The following ANKRD42 variants were observed in gnomAD, a reference collection of about 807,000 sequenced individuals.
ANKRD42 encodes the protein ankyrin repeat domain 42, also known as ankyrin repeat domain-containing protein 42.
A neutral mutation model predicts 51.5 loss-of-function variants in ANKRD42; 43 were observed. The observed-to-expected ratio is 0.83, with a 90% CI of 0.65 to 1.08. The LOEUF (loss-of-function observed/expected upper bound fraction) is 1.08. Among genes scored for constraint, ANKRD42 ranks in the 50% least tolerant of loss-of-function variants. ANKRD42 has a pLI of 0.00. For synonymous variants in ANKRD42, 203 were observed against 213.0 expected, an observed-to-expected ratio of 0.95 and a Z score of 0.41; for missense variants, 608 against 629.3, an observed-to-expected ratio of 0.97 and a Z score of 0.36.
intron 5 of ANKRD42, among the ~76,000 whole-genome samples, chr11:83,218,064 C>A (rs992323999): frequency 3.3e-5 from 5 of 152,186 alleles, no homozygotes; most frequent in Non-Finnish European, 7.3e-5. Flanking sequence ...TACATTTATC[C>A]TTTAGAATAA....
rs769031334 is a variant in ANKRD42, at chr11:83,227,786, A to G, written c.827A>G (p.Asp276Gly). ...GGTCATGTGGCTGCCTTTAAGGGTG[A>G]TTTGGGGATGCTTAAGAAATTAGTG... is the stretch of plus-strand genomic sequence containing the variant. The part of the protein sequence containing the change: ...FPGHVAAFKG[D>G]LGMLKKLVED... The change falls in exon 7 of 11, where the codon GAT (aspartate) becomes GGT (glycine). Residue 276 changes from aspartate to glycine, a missense_variant. By Grantham distance (94) the Asp-to-Gly change is moderately conservative. Transcript: ENST00000533342. 1.2e-6 allele frequency: 2 copies of G among 1,613,312 alleles called. No homozygotes were observed. Among genetic ancestry groups the G allele is most frequent in the Non-Finnish European group, 1.7e-6 (2 of 1,179,766 alleles).
exon 12 of ANKRD42, chr11:83,255,979 T>G (rs543229638): frequency 1.0e-4 from 146 of 1,394,618 alleles, no homozygotes; most frequent in Admixed American, 1.4e-4. Flanking sequence ...TCTCTTTCAT[T>G]AAAAAAATTG....
At chr11:83,196,105 G>T (rs538510411) in intron 1 of ANKRD42, among the ~76,000 whole-genome samples, 4 of 152,178 alleles carry the variant, frequency 2.6e-5, no homozygotes, top group African/African-American at 9.6e-5. Context: ...GCCTCCCAAA[G>T]TCCTGGGATT....
intron 11 of ANKRD42, chr11:83,255,815 G>T: frequency 1.3e-6 from 2 of 1,492,830 alleles, no homozygotes; most frequent in Middle Eastern, 1.7e-4. Context: ...CATGAAAATT[G>T]TATTTGACCC....
At chr11:83,237,739 GAC>G (rs1322016212) in intron 8 of ANKRD42, among the ~76,000 whole-genome samples, 3 of 152,140 alleles carry the variant, frequency 2.0e-5, no homozygotes, top group African/African-American at 7.2e-5. Flanking sequence ...AGGTATAATT[GAC>G]ACACAATAAA....
chr11:83,208,686 A>G (rs1484608597), intron 3 of ANKRD42, among the ~76,000 whole-genome samples: 2 of 152,214 alleles, frequency 1.3e-5, no homozygotes, highest in African/African-American at 4.8e-5. Context: ...ACAGATAATT[A>G]TGATGGAATG....
chr11:83,199,379 C>A (rs751164930), intron 2 of ANKRD42, among the ~76,000 whole-genome samples: 3 of 152,054 alleles, frequency 2.0e-5, no homozygotes, highest in Admixed American at 6.6e-5. Context: ...AATGATATCA[C>A]ATTATGTATA....
chr11:83,207,981 C>G lies in ANKRD42; in HGVS notation c.330+1816C>G, dbSNP rs141534097. 8.3e-3 allele frequency among the ~76,000 whole-genome samples: 1,259 copies of G among 152,260 alleles called. 13 individuals are homozygous for G. Among genetic ancestry groups the G allele is most frequent in the African/African-American group, 0.029 (1,202 of 41,562 alleles). Reference sequence around the variant, plus strand: ...GTATAGAAAGAGAGTTTTTCCCCCCCTCCTCAACCCTGTGATTACCTGGAA... The same window carrying G: ...GTATAGAAAGAGAGTTTTTCCCCCCGTCCTCAACCCTGTGATTACCTGGAA... On this transcript the variant is annotated intron_variant, in intron 3 of 10. Transcript: ENST00000533342.
At chr11:83,244,855 C>T (rs1863495336) in intron 9 of ANKRD42, among the ~76,000 whole-genome samples, 1 of 152,120 alleles carries the variant, frequency 6.6e-6, no homozygotes, top group African/African-American at 2.4e-5. Context: ...TTTTCTGTTA[C>T]ATAGTAGATT....
At chr11:83,234,491 T>C (rs879929425) in intron 7 of ANKRD42, among the ~76,000 whole-genome samples, 1 of 152,198 alleles carries the variant, frequency 6.6e-6, no homozygotes, top group African/African-American at 2.4e-5. Context: ...TTTTAAAACA[T>C]TGGTCAAATT....
intron 5 of ANKRD42, among the ~76,000 whole-genome samples, chr11:83,217,383 T>TAA (rs1862574457): frequency 6.6e-6 from 1 of 152,190 alleles, no homozygotes; most frequent in Non-Finnish European, 1.5e-5. Context: ...CTTTTGGGCA[T>TAA]AACAAGAAAG....
intron 2 of ANKRD42, among the ~76,000 whole-genome samples, chr11:83,205,357 A>C (rs1030160177): frequency 6.6e-6 from 1 of 152,188 alleles, no homozygotes; most frequent in African/African-American, 2.4e-5. Context: ...AATGATATTT[A>C]CTTGATAAGC....
At position 83,232,639 on chromosome 11, in the gene ANKRD42, T is replaced by A. The variant is rs143341274; in HGVS notation, c.914-3765T>A. On this transcript the variant is annotated intron_variant, in intron 7 of 10. Coordinates refer to ENST00000533342, the MANE Select transcript of ANKRD42 (RefSeq NM_001300975.2). ...GGACTTCTAGTACTGTGTTGAATAA[T>A]AGAGATGAAAGTGGGCATCCTTGTG... 1.8e-4 allele frequency among the ~76,000 whole-genome samples: 27 copies of A among 152,306 alleles called. No homozygotes were observed. The East Asian group carries it at 4.0e-3, about 23-fold the overall frequency.
Position 83,210,971 on chromosome 11 carries a change from CTG to C in ANKRD42, c.451-322_451-321del, listed in dbSNP as rs1023750491. 1.8e-3 allele frequency among the ~76,000 whole-genome samples: 270 copies of C among 151,766 alleles called. 3 individuals are homozygous for C. Among genetic ancestry groups the C allele is most frequent in the African/African-American group, 6.4e-3 (262 of 41,134 alleles). Reference sequence around the variant, plus strand: ...ACTTATTAAATATTTTTTATTAACTCTGTTTATATTCTCAATGATAGTATTTG... The same window carrying C: ...ACTTATTAAATATTTTTTATTAACTCTTTATATTCTCAATGATAGTATTTG... On this transcript the variant is annotated intron_variant, in intron 4 of 10. Transcript: ENST00000533342.
At position 83,194,690 on chromosome 11, in the gene ANKRD42, C is replaced by A. The variant is rs780231587; in HGVS notation, c.20C>A (p.Ser7Ter). 2 of 1,613,060 alleles carry A rather than the reference C, an allele frequency of 1.2e-6. No individual in the cohort carries two copies. The highest frequency in any genetic ancestry group is 1.7e-4 in the Middle Eastern group (1 of 6,052). The change falls in exon 1 of 11, where the codon TCA becomes TAA. Residue 7 changes from serine to a stop codon, truncating the protein, a stop_gained. Coordinates refer to ENST00000533342, the MANE Select transcript of ANKRD42 (RefSeq NM_001300975.2). LOFTEE classifies it high-confidence loss of function. MPGVAN[S>*]GPSTSSRETA... ...TGCGCCATGCCCGGGGTGGCCAATT[C>A]AGGCCCCTCCACTTCCTCTAGGGAG...
chr11:83,240,076 T>C (rs901317090), intron 8 of ANKRD42, among the ~76,000 whole-genome samples: 43 of 152,214 alleles, frequency 2.8e-4, no homozygotes, highest in African/African-American at 1.0e-3. Context: ...TTTTTATGTT[T>C]AGTGAGTAAT....
At chr11:83,222,058 T>C (rs184058872) in intron 5 of ANKRD42, among the ~76,000 whole-genome samples, 51 of 152,292 alleles carry the variant, frequency 3.3e-4, no homozygotes, top group Non-Finnish European at 6.5e-4. Flanking sequence ...CTGGGCAGAA[T>C]TGGGGGAGAC....
At chr11:83,227,904 A>G in intron 7 of ANKRD42, 32 bp downstream of exon 7, 1 of 1,569,162 alleles carries the variant, frequency 6.4e-7, no homozygotes, top group Non-Finnish European at 8.6e-7. Flanking sequence ...CAGTTCGGAT[A>G]CAATAGCTGC....
chr11:83,196,441 C>T (rs1317711918), intron 1 of ANKRD42, among the ~76,000 whole-genome samples: 1 of 149,878 alleles, frequency 6.7e-6, no homozygotes, highest in Non-Finnish European at 1.5e-5. Flanking sequence ...GGTTTCTTGA[C>T]CATGTCCTAC....
Sources: gnomAD v4.1 joint callset for allele counts (sites outside exome capture counted in the v4.1 genomes callset) on GRCh38, gnomAD v4.1.1 for gene constraint, MANE v1.5 for transcripts, NCBI Gene and HGNC (gene_info 2026-07-23, HGNC 2026-07-21) for gene names.